Variants in CEP135 observed in about 807,000 individuals in gnomAD.
The protein encoded by CEP135 is centrosomal protein of 135 kDa.
In CEP135, 142 loss-of-function variants were observed where a neutral mutation model predicts 157.3. That is an observed-to-expected ratio of 0.90 (90% CI 0.79 to 1.04). CEP135 has a LOEUF of 1.04. Ranked by LOEUF, CEP135 falls within the 50% of genes least tolerant of loss-of-function variation. The pLI is 0.00. For synonymous variants in CEP135, 396 were observed against 439.8 expected, an observed-to-expected ratio of 0.90 and a Z score of 1.25; for missense variants, 1,317 against 1,309.2, an observed-to-expected ratio of 1.01 and a Z score of -0.09.
intron 17 of CEP135, among the ~76,000 whole-genome samples, chr4:56,005,469 TA>T (rs959335274): frequency 1.4e-3 from 214 of 151,526 alleles, no homozygotes; most frequent in African/African-American, 5.0e-3. Flanking sequence ...AAGACATAAC[TA>T]AAAAAAAATT....
At position 56,011,905 on chromosome 4, in the gene CEP135, C is replaced by A. The variant is rs186530606; in HGVS notation, c.2722C>A (p.Arg908=). ...AGCTGAGGGAGAAAGCAGCTCAGTT[C>A]GACTGGAACTTCTTTCTATTGACAC... The part of the protein sequence containing the change: ...HQAEGESSSV[R]LELLSIDTER... The change falls in exon 21 of 26, where the codon CGA becomes AGA. Residue 908 remains arginine (R), a synonymous_variant. Coordinates refer to ENST00000257287, the MANE Select transcript of CEP135 (RefSeq NM_025009.5). 1.2e-6 allele frequency: 2 copies of A among 1,603,694 alleles called. No individual in the cohort carries two copies. The highest frequency in any genetic ancestry group is 2.7e-5 in the African/African-American group (2 of 74,442).
chr4:55,994,588 CATCTTCTTTTTCCCT>C (rs1363018905), intron 15 of CEP135, among the ~76,000 whole-genome samples: 7 of 152,000 alleles, frequency 4.6e-5, no homozygotes, highest in South Asian at 2.1e-4. Flanking sequence ...CTGAGGTACC[CATCTTCTTTTTCCCT>C]ATCTTCTTTT....
At chr4:55,970,432 T>G (rs1156543366) in intron 9 of CEP135, among the ~76,000 whole-genome samples, 1 of 152,218 alleles carries the variant, frequency 6.6e-6, no homozygotes, top group Non-Finnish European at 1.5e-5. Flanking sequence ...TCTCTAAGAT[T>G]GGAAATAAAG....
rs544939782 is a variant in CEP135 at position 55,981,105 on chromosome 4, G to A, written c.1627-122G>A. On this transcript the variant is annotated intron_variant, in intron 12 of 25. Transcript: ENST00000257287. ...ATTTTAATCTTTTGTTGGGATTTGC[G>A]AAGAGAGTGACGGTAGCATGTGTTC... The A allele has an allele frequency of 1.8e-5, 15 of 831,450 alleles. No homozygotes were observed. The East Asian group carries it at 2.3e-4, about 13-fold the overall frequency. The allele number at this position is 831,450 out of a possible 1,614,324, so 51.5% of individuals were successfully genotyped here.
Position 55,957,321 on chromosome 4 carries a change from G to T in CEP135, c.571G>T (p.Asp191Tyr). Residue 191 changes from aspartate to tyrosine, a missense_variant, in exon 5 of 26, where the codon GAT becomes TAT. Transcript: ENST00000257287. ...EVSSYPVPQP[D>Y]DPYIADLLQV... Reference sequence around the variant, plus strand: ...CAGTTCATATCCAGTTCCTCAACCAGATGACCCTTACATTGCAGACCTCCT... The same window carrying T: ...CAGTTCATATCCAGTTCCTCAACCATATGACCCTTACATTGCAGACCTCCT... 6.2e-7 allele frequency: 1 copy of T among 1,614,090 alleles called. No individual in the cohort carries two copies. Among genetic ancestry groups the T allele is most frequent in the Non-Finnish European group, 8.5e-7 (1 of 1,179,996 alleles).
At chr4:55,990,639 C>G (rs1417630354) in intron 14 of CEP135, among the ~76,000 whole-genome samples, 1 of 151,946 alleles carries the variant, frequency 6.6e-6, no homozygotes. Context: ...GCTAGGACTA[C>G]AGGTATACCA....
intron 21 of CEP135, among the ~76,000 whole-genome samples, chr4:56,015,332 A>G (rs546792425): frequency 1.9e-4 from 29 of 152,234 alleles, no homozygotes; most frequent in Middle Eastern, 3.4e-3. Context: ...GGACAGAATG[A>G]CTCTTAAGGG....
At chr4:55,959,895 G>C (rs928065367) in intron 6 of CEP135, 129 bp downstream of exon 6, 1 of 745,352 alleles carries the variant, frequency 1.3e-6, no homozygotes, top group Non-Finnish European at 2.3e-6. Flanking sequence ...CATCAGGTTT[G>C]TTAATAGAGT....
chr4:55,963,763 G>C (rs1159917793), intron 6 of CEP135, among the ~76,000 whole-genome samples: 1 of 152,072 alleles, frequency 6.6e-6, no homozygotes. Context: ...AAAAGAAAAA[G>C]CCAAAGCTTG....
At position 56,017,204 on chromosome 4, in the gene CEP135, G is replaced by A. The variant is rs183538662; in HGVS notation, c.2803-444G>A. 3.6e-3 allele frequency among the ~76,000 whole-genome samples: 548 copies of A among 151,718 alleles called. 8 individuals carry two copies. Among genetic ancestry groups the A allele is most frequent in the African/African-American group, 0.013 (531 of 41,366 alleles). ...ATTTAAGTTAAATTTAAATTATCCA[G>A]GTATATAGTTTTGAAGTAAACCCCA... On this transcript the variant is annotated intron_variant, in intron 21 of 25. Transcript: ENST00000257287.
chr4:56,031,264 T>C (rs936882214), intron 25 of CEP135, 96 bp from the exon 26 acceptor site: 14 of 152,674 alleles, frequency 9.2e-5, no homozygotes, highest in Non-Finnish European at 1.6e-4. Flanking sequence ...TTCTATAATT[T>C]CATTTATAAC....
chr4:56,004,329 T>C (rs974563124), intron 17 of CEP135, among the ~76,000 whole-genome samples: 6 of 152,262 alleles, frequency 3.9e-5, no homozygotes, highest in African/African-American at 1.4e-4. Flanking sequence ...TGGCATGAAC[T>C]ATGGTCTATT....
chr4:55,976,461 T>C (rs1729225320), intron 11 of CEP135, among the ~76,000 whole-genome samples: 1 of 152,152 alleles, frequency 6.6e-6, no homozygotes, highest in Admixed American at 6.5e-5. Flanking sequence ...GAGATAAATA[T>C]CTCAGAGCTT....
At chr4:55,974,119 G>T (rs1047088657) in intron 10 of CEP135, among the ~76,000 whole-genome samples, 1 of 152,188 alleles carries the variant, frequency 6.6e-6, no homozygotes, top group African/African-American at 2.4e-5. Context: ...TGCTGGGCAT[G>T]TAGTAAATGC....
chr4:55,996,161 T>TG (rs772071530), intron 15 of CEP135, among the ~76,000 whole-genome samples: 7 of 152,196 alleles, frequency 4.6e-5, no homozygotes, highest in Non-Finnish European at 8.8e-5. Context: ...GGTCTCACTC[T>TG]GTCAGGCTGG....
At chr4:56,012,847 G>A (rs1212182822) in intron 21 of CEP135, among the ~76,000 whole-genome samples, 2 of 152,144 alleles carry the variant, frequency 1.3e-5, no homozygotes, top group Non-Finnish European at 1.5e-5. Context: ...ATGCTGCTAT[G>A]AACATGAGTA....
At chr4:55,966,772 C>T (rs1728857568) in intron 8 of CEP135, among the ~76,000 whole-genome samples, 1 of 152,116 alleles carries the variant, frequency 6.6e-6, no homozygotes, top group Admixed American at 6.5e-5. Flanking sequence ...GCATGAGCAG[C>T]CATGCCTGGC....
In CEP135 at chr4:56,008,642, T is replaced by G. The variant is rs1361959191; in HGVS notation, c.2336+260T>G. Among the ~76,000 whole-genome samples, 2 of 152,200 alleles carry G rather than the reference T, an allele frequency of 1.3e-5. No homozygotes were observed. The highest frequency in any genetic ancestry group is 2.9e-5 in the Non-Finnish European group (2 of 68,032). On this transcript the variant is annotated intron_variant, in intron 18 of 25. Coordinates refer to ENST00000257287, the MANE Select transcript of CEP135 (RefSeq NM_025009.5). Reference sequence around the variant, plus strand: ...TATTTGTTCCTTATTTTTACTATAATTATGCCACTTGGAGCCTAATCATTA... The same window carrying G: ...TATTTGTTCCTTATTTTTACTATAAGTATGCCACTTGGAGCCTAATCATTA...
At chr4:55,977,726 T>C (rs1261174529) in intron 11 of CEP135, among the ~76,000 whole-genome samples, 6 of 152,262 alleles carry the variant, frequency 3.9e-5, no homozygotes, top group Non-Finnish European at 7.3e-5. Context: ...AAGTATACAA[T>C]AGTTATTATT....
Sources: gnomAD v4.1 joint callset for allele counts (sites outside exome capture counted in the v4.1 genomes callset) on GRCh38, gnomAD v4.1.1 for gene constraint, MANE v1.5 for transcripts, NCBI Gene and HGNC (gene_info 2026-07-23, HGNC 2026-07-21) for gene names.